Variants in ASF1B observed in about 807,000 individuals in gnomAD.
ASF1B encodes histone chaperone ASF1B.
A neutral mutation model predicts 16.6 loss-of-function variants in ASF1B; 10 were observed. The ratio of observed to expected loss-of-function variants is 0.60; its 90% confidence interval spans 0.37 to 1.02. The LOEUF (loss-of-function observed/expected upper bound fraction) is 1.02, where lower values mean the gene tolerates loss of function less well. ASF1B is among the 50% of genes least tolerant of loss of function. ASF1B has a pLI of 0.01. For synonymous variants in ASF1B, 101 were observed against 106.2 expected, an observed-to-expected ratio of 0.95 and a Z score of 0.30; for missense variants, 240 against 266.0, an observed-to-expected ratio of 0.90 and a Z score of 0.68.
At position 14,120,613 on chromosome 19, in the gene ASF1B, T is replaced by G; in HGVS notation, c.455A>C (p.Asn152Thr). 6.2e-7 allele frequency: 1 copy of G among 1,614,030 alleles called. No individual in the cohort carries two copies. ...SNPRVTRFHI[N>T]WDNNMDRLEA... ...CAGCCTGTCCATGTTGTTGTCCCAG[T>G]TGATATGGAAGCGGGTCACCCGGGG... is the stretch of plus-strand genomic sequence containing the variant. The change falls in exon 4 of 4, where the codon AAC becomes ACC. Residue 152 changes from asparagine (N) to threonine (T), a missense_variant. Coordinates refer to ENST00000263382, the MANE Select transcript of ASF1B (RefSeq NM_018154.3).
intron 2 of ASF1B, among the ~76,000 whole-genome samples, chr19:14,122,654 C>T (rs1010458379): frequency 1.3e-5 from 2 of 152,154 alleles, no homozygotes; most frequent in African/African-American, 2.4e-5. Context: ...GTCACTGTGC[C>T]CAGCCAGGAG....
chr19:14,136,423 G>A lies in ASF1B; in HGVS notation c.34C>T (p.Leu12=). 1 of 1,613,796 alleles carries A rather than the reference G, an allele frequency of 6.2e-7. No homozygotes were observed. Among genetic ancestry groups the A allele is most frequent in the Middle Eastern group, 1.6e-4 (1 of 6,062 alleles). The change falls in exon 1 of 4, where the codon CTG becomes TTG. Residue 12 remains leucine (L), a synonymous_variant. Transcript: ENST00000263382. ...AKVSVLNVAV[L]ENPSPFHSPF... is the part of the protein sequence containing the mutation. ...CTGTGGAAAGGGCTCGGGTTCTCCAGGACCGCCACGTTCAGCACCGACACC... is the reference window on the plus strand; with the variant it reads ...CTGTGGAAAGGGCTCGGGTTCTCCAAGACCGCCACGTTCAGCACCGACACC...
chr19:14,123,578 C>T (rs1162349586), intron 2 of ASF1B, among the ~76,000 whole-genome samples: 2 of 151,752 alleles, frequency 1.3e-5, no homozygotes, highest in African/African-American at 4.8e-5. Context: ...GATGGGGCTT[C>T]ACCATGTTAG....
chr19:14,120,324 C>T lies in ASF1B; in HGVS notation c.*135G>A. On this transcript the variant is annotated 3_prime_UTR_variant, in exon 4 of 4. Coordinates refer to ENST00000263382, the MANE Select transcript of ASF1B (RefSeq NM_018154.3). ...GACTAGGGGAGACCCAAGGCCTGTT[C>T]TTTCCTAGGGGCTGAGTTTGACAGA... is the stretch of plus-strand genomic sequence containing the variant. The T allele has an allele frequency of 1.2e-6, 1 of 842,922 alleles. No individual in the cohort carries two copies. Among genetic ancestry groups the T allele is most frequent in the East Asian group, 2.7e-5 (1 of 36,678 alleles). The allele number at this position is 842,922 out of a possible 1,614,324, so 52.2% of individuals were successfully genotyped here.
At position 14,120,423 on chromosome 19, in the gene ASF1B, C is replaced by T. The variant is rs1413065048; in HGVS notation, c.*36G>A. On this transcript the variant is annotated 3_prime_UTR_variant, in exon 4 of 4. Coordinates refer to ENST00000263382, the MANE Select transcript of ASF1B (RefSeq NM_018154.3). ...GGACTCGCTGGGAGGCCTGGTTGCCCCTCCCGGCGTGCTGGGACACTCTGG... is the reference window on the plus strand; with the variant it reads ...GGACTCGCTGGGAGGCCTGGTTGCCTCTCCCGGCGTGCTGGGACACTCTGG... 3 of 1,604,776 alleles carry T rather than the reference C, an allele frequency of 1.9e-6. No individual in the cohort carries two copies. In the South Asian group the frequency reaches 3.3e-5, roughly 18 times the overall value.
At chr19:14,125,978 C>G in intron 2 of ASF1B, 144 bp downstream of exon 2, 1 of 604,522 alleles carries the variant, frequency 1.7e-6, no homozygotes, top group East Asian at 3.1e-5. Flanking sequence ...TCACCTCAGT[C>G]CCTGGAGTAG....
chr19:14,128,901 C>T (rs886512556), intron 1 of ASF1B, among the ~76,000 whole-genome samples: 17 of 152,118 alleles, frequency 1.1e-4, no homozygotes, highest in South Asian at 2.1e-4. Context: ...CTCTCATAGC[C>T]GGTAGAATCC....
At chr19:14,122,991 A>G (rs1211655001) in intron 2 of ASF1B, among the ~76,000 whole-genome samples, 1 of 152,260 alleles carries the variant, frequency 6.6e-6, no homozygotes, top group Non-Finnish European at 1.5e-5. Context: ...GACTTGGCTT[A>G]GACCAGGCAG....
At chr19:14,123,481 G>A (rs573474954) in intron 2 of ASF1B, among the ~76,000 whole-genome samples, 43 of 141,188 alleles carry the variant, frequency 3.0e-4, no homozygotes, top group African/African-American at 1.0e-3. Flanking sequence ...CCAGGTTCAC[G>A]CCATTCTCCT....
At chr19:14,127,457 CCT>C (rs569856816) in intron 1 of ASF1B, among the ~76,000 whole-genome samples, 23 of 152,260 alleles carry the variant, frequency 1.5e-4, no homozygotes, top group Non-Finnish European at 2.9e-4. Flanking sequence ...GAAGTGGATC[CCT>C]CGACAACTGG....
Position 14,126,143 on chromosome 19 carries a change from C to T in ASF1B, c.204G>A (p.Gly68=), listed in dbSNP as rs1479623703. The T allele has an allele frequency of 6.2e-7, 1 of 1,603,276 alleles. No individual in the cohort carries two copies. Among genetic ancestry groups the T allele is most frequent in the Non-Finnish European group, 8.5e-7 (1 of 1,176,676 alleles). The part of the protein sequence containing the change: ...DSVLVGPVPA[G]RHMFVFQADA... ...TTACCTGAAAGACAAACATGTGTCT[C>T]CCTGCTGGCACAGGGCCCACCAGCA... The change falls in exon 2 of 4, where the codon GGG becomes GGA. Residue 68 remains glycine, a synonymous_variant. Coordinates refer to ENST00000263382, the MANE Select transcript of ASF1B (RefSeq NM_018154.3).
chr19:14,126,037 T>C (rs1414013850), intron 2 of ASF1B, 85 bp downstream of exon 2: 24 of 1,135,704 alleles, frequency 2.1e-5, no homozygotes, highest in African/African-American at 3.1e-5. Context: ...GAACTTTTGA[T>C]TCCTGAAGCA....
chr19:14,130,393 G>T (rs8100435), intron 1 of ASF1B, among the ~76,000 whole-genome samples: 15,372 of 151,824 alleles, frequency 0.1, 976 homozygotes, highest in Admixed American at 0.18. Context: ...AAGTGCCCAG[G>T]CATGGTGATG....
chr19:14,127,942 A>G (rs1967343478), intron 1 of ASF1B, among the ~76,000 whole-genome samples: 1 of 151,872 alleles, frequency 6.6e-6, no homozygotes, highest in East Asian at 1.9e-4. Flanking sequence ...CCAGCCTCAA[A>G]CCCTAACTCT....
At position 14,119,849 on chromosome 19, in the gene ASF1B, G is replaced by A. The variant is rs552287025; in HGVS notation, c.*610C>T. The A allele has an allele frequency of 6.6e-6, 1 of 152,632 alleles. No homozygotes were observed. The highest frequency in any genetic ancestry group is 1.9e-4 in the East Asian group (1 of 5,190). The allele number at this position is 152,632 out of a possible 1,614,324, so 9.5% of individuals were successfully genotyped here. ...AGATCCATTTAGGAGATAACAGGAA[G>A]GTGGCTGTGATTGACAGGAAAGGCA... is the stretch of plus-strand genomic sequence containing the variant. On this transcript the variant is annotated 3_prime_UTR_variant, in exon 4 of 4. Transcript: ENST00000263382.
At chr19:14,124,022 C>T (rs1330354685) in intron 2 of ASF1B, among the ~76,000 whole-genome samples, 1 of 152,028 alleles carries the variant, frequency 6.6e-6, no homozygotes, top group Non-Finnish European at 1.5e-5. Flanking sequence ...TAACTCCTGA[C>T]CCCAAGTGAT....
At position 14,120,498 on chromosome 19, in the gene ASF1B, GATGCAGCC is replaced by G. The variant is rs1967217424; in HGVS notation, c.562_569del (p.Gly188ProfsTer6). 3.1e-6 allele frequency: 5 copies of G among 1,612,972 alleles called. No individual in the cohort carries two copies. The highest frequency in any genetic ancestry group is 4.2e-6 in the Non-Finnish European group (5 of 1,179,456). ...TGGAGTTCTCAGGGAGGAGGCCAGG[GATGCAGCC>G]AGGGAGCCCCAAGCCCTTGATAGGA... On this transcript the variant is annotated frameshift_variant, in exon 4 of 4. Transcript: ENST00000263382. LOFTEE classifies it high-confidence loss of function.
At chr19:14,125,262 C>T (rs755681399) in intron 2 of ASF1B, among the ~76,000 whole-genome samples, 6 of 152,108 alleles carry the variant, frequency 3.9e-5, no homozygotes, top group African/African-American at 9.7e-5. Context: ...CCATCATAGC[C>T]GTCCTGGTGT....
At chr19:14,126,942 G>A (rs1456325493) in intron 1 of ASF1B, among the ~76,000 whole-genome samples, 1 of 152,012 alleles carries the variant, frequency 6.6e-6, no homozygotes, top group Non-Finnish European at 1.5e-5. Flanking sequence ...CTTATTTTTT[G>A]AGACAGTCTC....
Sources: gnomAD v4.1 joint callset for allele counts (sites outside exome capture counted in the v4.1 genomes callset) on GRCh38, gnomAD v4.1.1 for gene constraint, MANE v1.5 for transcripts, NCBI Gene and HGNC (gene_info 2026-07-23, HGNC 2026-07-21) for gene names.